RASA1: variants seen among roughly 807,000 people sequenced by gnomAD.
The protein encoded by RASA1 is RAS p21 protein activator 1.
Under a neutral mutation model 132.2 loss-of-function variants are expected in RASA1, and 25 were observed. The ratio of observed to expected loss-of-function variants is 0.19; its 90% CI spans 0.14 to 0.26. The LOEUF (loss-of-function observed/expected upper bound fraction) is 0.26. RASA1 is among the 10% of genes least tolerant of loss of function. The probability of loss-of-function intolerance (pLI) is 1.00; values close to 1 mark genes in which losing one functional copy is unlikely to be tolerated. For synonymous variants in RASA1, 477 were observed against 449.9 expected (o/e 1.06, Z -0.76); for missense variants, 964 against 1,299.2 (o/e 0.74, Z 3.97).
intron 1 of RASA1, among the ~76,000 whole-genome samples, chr5:87,291,833 C>T (rs754343316): frequency 3.3e-5 from 5 of 152,226 alleles, no homozygotes; most frequent in African/African-American, 7.2e-5. Context: ...GCTTCCTACA[C>T]AGCCTGCAGA....
intron 4 of RASA1, among the ~76,000 whole-genome samples, chr5:87,333,614 T>TATA (rs1384041072): frequency 6.6e-6 from 1 of 152,226 alleles, no homozygotes; most frequent in Non-Finnish European, 1.5e-5. Flanking sequence ...TGCTTCAATC[T>TATA]ATATGCTATG....
At chr5:87,297,041 T>C (rs1285663347) in intron 1 of RASA1, among the ~76,000 whole-genome samples, 1 of 152,208 alleles carries the variant, frequency 6.6e-6, no homozygotes, top group Admixed American at 6.5e-5. Flanking sequence ...TCCTTAGCTA[T>C]GTTCAGTCTA....
chr5:87,304,468 C>T (rs913369814), intron 1 of RASA1, among the ~76,000 whole-genome samples: 3 of 151,090 alleles, frequency 2.0e-5, no homozygotes, highest in African/African-American at 4.9e-5. Flanking sequence ...GTTTATTATA[C>T]ACTTTTTTTT....
intron 9 of RASA1, among the ~76,000 whole-genome samples, chr5:87,360,445 A>G (rs139740972): frequency 5.7e-4 from 87 of 152,244 alleles, no homozygotes; most frequent in African/African-American, 1.9e-3. Flanking sequence ...GATGGCTCAT[A>G]ATTTTGTTGG....
rs1760263266 is a variant in RASA1, at chr5:87,363,418, A to T, written c.1524A>T (p.Glu508Asp). ...EGSDAQLIYFESEKRATKPKG... is the reference protein window; with the variant it reads ...EGSDAQLIYFDSEKRATKPKG... Reference sequence around the variant, plus strand: ...GTGATGCCCAACTTATTTATTTTGAAAGCGAAAAACGAGCTACCAAACCAA... The same window carrying T: ...GTGATGCCCAACTTATTTATTTTGATAGCGAAAAACGAGCTACCAAACCAA... The change falls in exon 11 of 25, where the codon GAA (glutamate) becomes GAT (aspartate). Residue 508 changes from glutamate (E) to aspartate (D), a missense_variant. By Grantham distance (45) the Glu-to-Asp change is conservative. Transcript: ENST00000274376. The T allele has an allele frequency of 6.2e-7, 1 of 1,611,014 alleles. No homozygotes were observed. The highest frequency in any genetic ancestry group is 8.5e-7 in the Non-Finnish European group (1 of 1,177,588).
At chr5:87,384,677 ATAAT>A (rs1360439569) in intron 21 of RASA1, among the ~76,000 whole-genome samples, 3 of 152,142 alleles carry the variant, frequency 2.0e-5, no homozygotes, top group Non-Finnish European at 2.9e-5. Flanking sequence ...TTACTGTTAA[ATAAT>A]TAAGTTCCAG....
intron 1 of RASA1, among the ~76,000 whole-genome samples, chr5:87,283,209 C>T (rs1316225151): frequency 2.9e-5 from 4 of 139,420 alleles, no homozygotes; most frequent in African/African-American, 1.0e-4. Context: ...GGTTTTACAA[C>T]CTTTTTCTTA....
At chr5:87,291,977 G>C (rs1341682313) in intron 1 of RASA1, among the ~76,000 whole-genome samples, 1 of 152,146 alleles carries the variant, frequency 6.6e-6, no homozygotes, top group Non-Finnish European at 1.5e-5. Flanking sequence ...ATCTTCTTTG[G>C]TGAGATGTCT....
In RASA1 at chr5:87,376,507, G is replaced by A. The variant is rs976081140; in HGVS notation, c.2126G>A (p.Arg709Gln). The A allele has an allele frequency of 1.9e-6, 3 of 1,613,858 alleles. No individual in the cohort carries two copies. The highest frequency in any genetic ancestry group is 1.3e-5 in the African/African-American group (1 of 74,872). Residue 709 changes from arginine (R) to glutamine (Q), a missense_variant, in exon 16 of 25, where the codon CGA becomes CAA. Arg to Gln is a conservative substitution (Grantham distance 43). Around this residue, in one of 6 missense-constraint regions of RASA1, gnomAD observed 346 missense variants for 520.1 expected, o/e 0.67. Transcript: ENST00000274376. ...KGIEPGSLRV[R>Q]ARYSMEKIMP... ...ATTGAACCAGGGTCCCTGCGTGTTCGAGCACGATACTCTATGGAAAAAATC... is the reference window on the plus strand; with the variant it reads ...ATTGAACCAGGGTCCCTGCGTGTTCAAGCACGATACTCTATGGAAAAAATC...
In RASA1 at chr5:87,376,493, G is replaced by A. The variant is rs374292148; in HGVS notation, c.2112G>A (p.Gly704=). The stretch of plus-strand genomic sequence containing the variant: ...TACCATTAAAAGGTATTGAACCAGG[G>A]TCCCTGCGTGTTCGAGCACGATACT... ...SHIPLKGIEP[G]SLRVRARYSM... The change falls in exon 16 of 25, where the codon GGG becomes GGA. Residue 704 remains glycine, a synonymous_variant. Coordinates refer to ENST00000274376, the MANE Select transcript of RASA1 (RefSeq NM_002890.3). 1.9e-6 allele frequency: 3 copies of A among 1,614,000 alleles called. No homozygotes were observed. The highest frequency in any genetic ancestry group is 2.7e-5 in the African/African-American group (2 of 75,012).
chr5:87,384,372 GA>G (rs1268441807), intron 21 of RASA1, among the ~76,000 whole-genome samples: 1 of 152,068 alleles, frequency 6.6e-6, no homozygotes, highest in East Asian at 1.9e-4. Context: ...GGATAACAGG[GA>G]TATTTGTGAC....
intron 4 of RASA1, among the ~76,000 whole-genome samples, chr5:87,335,777 G>C (rs1446836390): frequency 2.0e-5 from 3 of 152,140 alleles, no homozygotes; most frequent in Non-Finnish European, 4.4e-5. Flanking sequence ...AGAAGATATA[G>C]ATAGCTCAGT....
chr5:87,378,358 C>T (rs1320608776), intron 17 of RASA1, 38 bp from the exon 18 acceptor site: 1 of 1,606,286 alleles, frequency 6.2e-7, no homozygotes. Flanking sequence ...TTAGGTCAGT[C>T]CTTTACAAAT....
chr5:87,358,905 T>A (rs1232517949), intron 9 of RASA1, among the ~76,000 whole-genome samples: 1 of 152,104 alleles, frequency 6.6e-6, no homozygotes, highest in Non-Finnish European at 1.5e-5. Context: ...AGCCTCACTC[T>A]TACATCTTTC....
chr5:87,377,110 C>T (rs1276399383), intron 17 of RASA1, 70 bp downstream of exon 17: 6 of 1,506,186 alleles, frequency 4.0e-6, no homozygotes, highest in Non-Finnish European at 4.6e-6. Context: ...TATATGGACT[C>T]TATCTCTGAA....
chr5:87,327,916 A>G (rs552925036), intron 1 of RASA1, among the ~76,000 whole-genome samples: 128 of 152,066 alleles, frequency 8.4e-4, no homozygotes, highest in African/African-American at 2.8e-3. Flanking sequence ...AGTGAGCCAT[A>G]AGAGCATGGC....
intron 10 of RASA1, 37 bp from the exon 11 acceptor site, chr5:87,363,308 ATTG>A: frequency 6.6e-7 from 1 of 1,509,470 alleles, no homozygotes; most frequent in Non-Finnish European, 9.2e-7. Flanking sequence ...GGATTTCACA[ATTG>A]TTTGGCTAAG....
intron 6 of RASA1, among the ~76,000 whole-genome samples, chr5:87,345,696 G>A (rs1007976904): frequency 1.3e-5 from 2 of 152,110 alleles, no homozygotes; most frequent in Non-Finnish European, 2.9e-5. Flanking sequence ...AGTAATAATT[G>A]TATGGATCAT....
In RASA1 at chr5:87,380,511, C is replaced by T. The variant is rs1026954296; in HGVS notation, c.2606C>T (p.Thr869Ile). 9 of 1,611,298 alleles carry T rather than the reference C, an allele frequency of 5.6e-6. No individual in the cohort carries two copies. The highest frequency in any genetic ancestry group is 7.6e-6 in the Non-Finnish European group (9 of 1,177,666). ...IFMASEILPP[T>I]LRYIYGCLQK... is the part of the protein sequence containing the mutation. Reference sequence around the variant, plus strand: ...AGATGATTGTGTTATTTTGGCAGGACATTGAGATATATTTATGGGTGTTTA... The same window carrying T: ...AGATGATTGTGTTATTTTGGCAGGATATTGAGATATATTTATGGGTGTTTA... The change falls in exon 20 of 25, where the codon ACA becomes ATA. Residue 869 changes from threonine to isoleucine, a missense_variant and splice_region_variant. By Grantham distance (89) the Thr-to-Ile change is moderately conservative (BLOSUM62 -1). This residue lies in a region of RASA1 where 346 missense variants were observed against 520.1 expected (regional missense o/e 0.67). Coordinates refer to ENST00000274376, the MANE Select transcript of RASA1 (RefSeq NM_002890.3).
Sources: allele counts gnomAD v4.1 joint callset (sites outside exome capture counted in the v4.1 genomes callset), GRCh38; gene constraint gnomAD v4.1.1; regional missense constraint gnomAD v4.1.1; transcripts MANE v1.5; gene names NCBI Gene and HGNC (gene_info 2026-07-23, HGNC 2026-07-21).